The following CADM2 variants were observed in gnomAD, a reference collection of about 807,000 sequenced individuals.
CADM2 encodes the protein cell adhesion molecule 2.
Under a neutral mutation model 49.8 loss-of-function variants are expected in CADM2, and 12 were observed. That is an observed-to-expected ratio of 0.24 (90% CI 0.15 to 0.39). The LOEUF (loss-of-function observed/expected upper bound fraction) is 0.39, where lower values mean the gene tolerates loss of function less well. CADM2 is among the 10% of genes least tolerant of loss of function. The pLI is 1.00. For missense variants in CADM2, 378 were observed against 492.3 expected, an observed-to-expected ratio of 0.77 and a Z score of 2.20; for synonymous variants, 214 against 175.4, an observed-to-expected ratio of 1.22 and a Z score of -1.74.
At chr3:85,319,999 A>G (rs546104302) in intron 1 of CADM2, among the ~76,000 whole-genome samples, 1 of 152,212 alleles carries the variant, frequency 6.6e-6, no homozygotes, top group Non-Finnish European at 1.5e-5. Context: ...CTTTACAGAT[A>G]GGAGCCAAAG....
intron 2 of CADM2, among the ~76,000 whole-genome samples, chr3:85,741,016 T>C (rs764423077): frequency 1.3e-5 from 2 of 152,162 alleles, no homozygotes; most frequent in Non-Finnish European, 2.9e-5. Flanking sequence ...ACAGGCACTT[T>C]TATGTTTCCA....
chr3:85,778,323 T>A (rs55784808), intron 2 of CADM2, among the ~76,000 whole-genome samples: 2 of 152,132 alleles, frequency 1.3e-5, no homozygotes, highest in South Asian at 2.1e-4. Flanking sequence ...ATGCTCATTT[T>A]AAAAAATTAT....
At chr3:85,049,443 C>T (rs149791938) in intron 1 of CADM2, among the ~76,000 whole-genome samples, 46 of 151,804 alleles carry the variant, frequency 3.0e-4, no homozygotes, top group East Asian at 2.3e-3. Context: ...CTCCGCCTCC[C>T]GGGTTCACGC....
intron 1 of CADM2, among the ~76,000 whole-genome samples, chr3:85,623,873 C>A (rs1473894858): frequency 6.6e-6 from 1 of 151,764 alleles, no homozygotes; most frequent in Non-Finnish European, 1.5e-5. Context: ...TATTCCAAGA[C>A]AAGTAATTAT....
At chr3:85,399,981 C>A (rs2035014160) in intron 1 of CADM2, among the ~76,000 whole-genome samples, 1 of 152,090 alleles carries the variant, frequency 6.6e-6, no homozygotes, top group South Asian at 2.1e-4. Context: ...GCCTGATTCA[C>A]TATGTTGAAT....
intron 8 of CADM2, among the ~76,000 whole-genome samples, chr3:86,040,600 G>A (rs1363580322): frequency 5.3e-5 from 8 of 152,116 alleles, no homozygotes; most frequent in Admixed American, 1.3e-4. Flanking sequence ...CCAAATCGAC[G>A]TCTGATTTGT....
chr3:85,111,833 T>G (rs1575893299), intron 1 of CADM2, among the ~76,000 whole-genome samples: 2 of 151,994 alleles, frequency 1.3e-5, no homozygotes, highest in Admixed American at 1.3e-4. Flanking sequence ...AACTTTCAAC[T>G]GTAAGATAAA....
At chr3:85,267,866 C>T (rs577167726) in intron 1 of CADM2, among the ~76,000 whole-genome samples, 34 of 151,498 alleles carry the variant, frequency 2.2e-4, no homozygotes, top group African/African-American at 8.0e-4. Context: ...TTTAAATGTC[C>T]TAATTCTTAT....
chr3:85,534,526 T>C (rs1164472288), intron 1 of CADM2, among the ~76,000 whole-genome samples: 2 of 152,160 alleles, frequency 1.3e-5, no homozygotes, highest in African/African-American at 4.8e-5. Flanking sequence ...TAAAGAATTA[T>C]TGCAACACAG....
intron 1 of CADM2, among the ~76,000 whole-genome samples, chr3:85,538,889 A>G (rs1265890363): frequency 7.3e-6 from 1 of 137,192 alleles, no homozygotes; most frequent in African/African-American, 2.5e-5. Context: ...TGAGTTGAAT[A>G]CATTATATTG....
At chr3:85,872,911 A>G (rs1559714001) in intron 3 of CADM2, among the ~76,000 whole-genome samples, 2 of 152,154 alleles carry the variant, frequency 1.3e-5, no homozygotes, top group East Asian at 3.9e-4. Flanking sequence ...ATTTTTTTAT[A>G]CATTGACTGT....
intron 6 of CADM2, among the ~76,000 whole-genome samples, chr3:85,928,673 C>T (rs72615729): frequency 0.081 from 12,278 of 152,078 alleles, 717 homozygotes; most frequent in East Asian, 0.19. Flanking sequence ...AAAATATCTG[C>T]GTATTTTAGT....
intron 5 of CADM2, among the ~76,000 whole-genome samples, chr3:85,904,224 T>TC (rs987795941): frequency 6.6e-6 from 1 of 152,148 alleles, no homozygotes; most frequent in African/African-American, 2.4e-5. Context: ...GATTGAAATC[T>TC]CCCCTCTATA....
At chr3:86,064,887 C>T (rs1739131661) in intron 8 of CADM2, among the ~76,000 whole-genome samples, 1 of 152,174 alleles carries the variant, frequency 6.6e-6, no homozygotes, top group Non-Finnish European at 1.5e-5. Context: ...GTTCCACCGG[C>T]ATCTAAATCT....
intron 1 of CADM2, among the ~76,000 whole-genome samples, chr3:85,062,088 G>GCACACACA (rs750878271): frequency 2.1e-5 from 3 of 145,302 alleles, no homozygotes; most frequent in Non-Finnish European, 4.6e-5. Context: ...ACACACACAC[G>GCACACACA]CACACACACA....
chr3:85,861,322 C>G (rs1291535037), intron 3 of CADM2, among the ~76,000 whole-genome samples: 1 of 151,928 alleles, frequency 6.6e-6, no homozygotes, highest in Non-Finnish European at 1.5e-5. Flanking sequence ...TGATATGTAA[C>G]TGGAAATAGA....
Position 85,364,865 on chromosome 3 carries a change from C to CCAACAA in CADM2, c.62-361656_62-361655insAACAAC, listed in dbSNP as rs1475167606. Reference sequence around the variant, plus strand: ...GCTTGTTCTGGATCATATGCTTGTTCCTACAACAACAACAACAACAACAAC... The same window carrying CCAACAA: ...GCTTGTTCTGGATCATATGCTTGTTCCAACAACTACAACAACAACAACAACAACAAC... On this transcript the variant is annotated intron_variant, in intron 1 of 9. Coordinates refer to ENST00000383699, the MANE Select transcript of CADM2 (RefSeq NM_001167675.2). 1.5e-3 allele frequency among the ~76,000 whole-genome samples: 137 copies of CCAACAA among 89,050 alleles called. 1 individual carries two copies. The highest frequency in any genetic ancestry group is 3.7e-3 in the African/African-American group (130 of 35,612). 58.4% of individuals were successfully genotyped at this position (89,050 alleles called of 152,430 possible).
At chr3:85,033,135 T>C (rs1036222677) in intron 1 of CADM2, among the ~76,000 whole-genome samples, 1 of 152,218 alleles carries the variant, frequency 6.6e-6, no homozygotes, top group Non-Finnish European at 1.5e-5. Flanking sequence ...TTCTGTGCTA[T>C]CATTTTTGCT....
chr3:85,101,359 T>C (rs1356036145), intron 1 of CADM2, among the ~76,000 whole-genome samples: 1 of 152,194 alleles, frequency 6.6e-6, no homozygotes, highest in Admixed American at 6.5e-5. Context: ...ATGTTGCTAG[T>C]GTCTAGTTGT....
Sources: allele counts gnomAD v4.1 joint callset (sites outside exome capture counted in the v4.1 genomes callset), GRCh38; gene constraint gnomAD v4.1.1; transcripts MANE v1.5; gene names NCBI Gene and HGNC (gene_info 2026-07-23, HGNC 2026-07-21).